The following TENM3 variants were observed in gnomAD, a reference collection of about 807,000 sequenced individuals.
TENM3 encodes teneurin transmembrane protein 3, also known as teneurin-3.
In TENM3, 63 loss-of-function variants were observed where a neutral mutation model predicts 255.1. The observed-to-expected ratio is 0.25, with a 90% CI of 0.20 to 0.30. TENM3 has a LOEUF of 0.30. Among genes scored for constraint, TENM3 ranks in the 10% least tolerant of loss-of-function variants. The pLI, the probability that TENM3 is intolerant of heterozygous loss-of-function variation, is 1.00. For synonymous variants in TENM3, 1,306 were observed against 1,322.3 expected, an observed-to-expected ratio of 0.99 and a Z score of 0.27; for missense variants, 2,929 against 3,461.1, an observed-to-expected ratio of 0.85 and a Z score of 3.86.
the TENM3 span, among the ~76,000 whole-genome samples, chr4:181,735,717 C>T: frequency 6.6e-6 from 1 of 152,036 alleles, no homozygotes; most frequent in South Asian, 2.1e-4. Context: ...TTCTGCAAAC[C>T]CACACATTCT....
intron 22 of TENM3, among the ~76,000 whole-genome samples, chr4:182,768,017 C>A (rs549668582): frequency 2.6e-5 from 4 of 152,156 alleles, no homozygotes; most frequent in African/African-American, 9.7e-5. Context: ...CCAGTATATA[C>A]GTAACGACAT....
At chr4:182,559,677 T>C (rs1316813501) in intron 3 of TENM3, among the ~76,000 whole-genome samples, 2 of 152,178 alleles carry the variant, frequency 1.3e-5, no homozygotes, top group African/African-American at 4.8e-5. Flanking sequence ...CATTTTTTCA[T>C]TCCACGGTCA....
chr4:182,501,731 T>C (rs565026827), intron 3 of TENM3, among the ~76,000 whole-genome samples: 21 of 152,320 alleles, frequency 1.4e-4, no homozygotes, highest in Admixed American at 8.5e-4. Context: ...GACCCATCTT[T>C]ATTATAAGCT....
chr4:181,796,475 C>A, the TENM3 span, among the ~76,000 whole-genome samples: 4 of 152,126 alleles, frequency 2.6e-5, no homozygotes, highest in African/African-American at 9.7e-5. Context: ...AGTGGGATAG[C>A]ATTTAGGCAT....
chr4:181,735,973 T>C, the TENM3 span, among the ~76,000 whole-genome samples: 8 of 152,222 alleles, frequency 5.3e-5, no homozygotes, highest in African/African-American at 1.9e-4. Flanking sequence ...TCTAATTTAA[T>C]GTCTATCTTT....
At chr4:182,698,173 A>G (rs1757574800) in intron 12 of TENM3, 1 of 152,188 alleles carries the variant, frequency 6.6e-6, no homozygotes, top group Non-Finnish European at 1.5e-5. Flanking sequence ...AAACAAATTT[A>G]GTGGCCTAAA....
chr4:182,620,569 G>A (rs1232135007), intron 4 of TENM3, among the ~76,000 whole-genome samples: 1 of 151,996 alleles, frequency 6.6e-6, no homozygotes, highest in Non-Finnish European at 1.5e-5. Context: ...CTATTTTGAG[G>A]CCTAATTTTA....
intron 1 of TENM3, among the ~76,000 whole-genome samples, chr4:182,300,082 A>C (rs1392696496): frequency 2.6e-5 from 4 of 152,006 alleles, no homozygotes; most frequent in Non-Finnish European, 5.9e-5. Flanking sequence ...CGCCTGGCTA[A>C]TTTCTGTATT....
At chr4:181,856,012 A>G in the TENM3 span, among the ~76,000 whole-genome samples, 75 of 89,642 alleles carry the variant, frequency 8.4e-4, no homozygotes, top group African/African-American at 2.5e-3. Flanking sequence ...GGAAGGAAGG[A>G]AAGGGAAAGA....
chr4:182,338,941 C>T (rs982189594), intron 2 of TENM3, among the ~76,000 whole-genome samples: 9 of 152,102 alleles, frequency 5.9e-5, no homozygotes, highest in Admixed American at 3.3e-4. Context: ...GGAACTGATC[C>T]GAGACTTCAA....
chr4:181,534,785 TC>T, the TENM3 span, among the ~76,000 whole-genome samples: 1 of 152,160 alleles, frequency 6.6e-6, no homozygotes, highest in Non-Finnish European at 1.5e-5. Flanking sequence ...CCCTGTTGCA[TC>T]TTCCTCTCCA....
chr4:181,936,411 T>G, the TENM3 span, among the ~76,000 whole-genome samples: 2 of 152,072 alleles, frequency 1.3e-5, no homozygotes, highest in East Asian at 3.9e-4. Context: ...AGGAATCAGA[T>G]GTGAGAGTGG....
chr4:182,165,259 T>A (rs1751627836), intron 1 of TENM3, among the ~76,000 whole-genome samples: 1 of 152,212 alleles, frequency 6.6e-6, no homozygotes, highest in Non-Finnish European at 1.5e-5. Flanking sequence ...ATTTCATTAT[T>A]TTCGGAGTTC....
the TENM3 span, among the ~76,000 whole-genome samples, chr4:181,491,687 T>A: frequency 1.3e-5 from 2 of 152,170 alleles, no homozygotes; most frequent in Non-Finnish European, 2.9e-5. Context: ...GGTTAAGTAA[T>A]GATTTTCTTG....
chr4:181,882,293 G>A, the TENM3 span, among the ~76,000 whole-genome samples: 1 of 152,160 alleles, frequency 6.6e-6, no homozygotes, highest in African/African-American at 2.4e-5. Flanking sequence ...TGGGAGCTGG[G>A]AATTCATTCA....
intron 3 of TENM3, among the ~76,000 whole-genome samples, chr4:182,583,860 C>T: frequency 6.6e-6 from 1 of 152,120 alleles, no homozygotes; most frequent in East Asian, 1.9e-4. Context: ...TACATGCTTG[C>T]TAATGAAAGC....
intron 3 of TENM3, among the ~76,000 whole-genome samples, chr4:182,393,023 CG>C (rs753033266): frequency 1.3e-5 from 2 of 152,158 alleles, no homozygotes; most frequent in Non-Finnish European, 2.9e-5. Context: ...AAGAAAATGT[CG>C]GTTTGTCTTT....
At chr4:182,387,483 C>T (rs1011936190) in intron 3 of TENM3, among the ~76,000 whole-genome samples, 4 of 152,134 alleles carry the variant, frequency 2.6e-5, no homozygotes, top group Admixed American at 6.5e-5. Context: ...GGTGGGGCCA[C>T]ATAAGAGAAT....
At chr4:182,109,791 T>G in the TENM3 span, among the ~76,000 whole-genome samples, 21 of 152,160 alleles carry the variant, frequency 1.4e-4, no homozygotes, top group Admixed American at 4.6e-4. Context: ...TTAATGACCC[T>G]CTCCTCTAAA....
Sources: gnomAD v4.1 joint callset for allele counts (sites outside exome capture counted in the v4.1 genomes callset) on GRCh38, gnomAD v4.1.1 for gene constraint, MANE v1.5 for transcripts, NCBI Gene and HGNC (gene_info 2026-07-23, HGNC 2026-07-21) for gene names.